Variants in BBS5 observed in about 807,000 individuals in gnomAD.
BBS5 encodes Bardet-Biedl syndrome 5.
Under a neutral mutation model 50.2 loss-of-function variants are expected in BBS5, and 39 were observed. That is an observed-to-expected ratio of 0.78 (90% CI 0.60 to 1.01). The LOEUF is 1.01. Among genes scored for constraint, BBS5 ranks in the 50% least tolerant of loss-of-function variants. The pLI is 0.00. For synonymous variants in BBS5, 134 were observed against 133.1 expected, an observed-to-expected ratio of 1.01 and a Z score of -0.05; for missense variants, 356 against 401.5, an observed-to-expected ratio of 0.89 and a Z score of 0.97.
At chr2:169,498,726 G>A (rs769832632) in intron 8 of BBS5, among the ~76,000 whole-genome samples, 66 of 149,884 alleles carry the variant, frequency 4.4e-4, no homozygotes, top group Non-Finnish European at 8.1e-4. Flanking sequence ...AGAATGGCGC[G>A]AACCCGGGAG....
chr2:169,501,044 T>G (rs1443541490), intron 9 of BBS5, among the ~76,000 whole-genome samples: 2 of 152,338 alleles, frequency 1.3e-5, no homozygotes, highest in Middle Eastern at 3.4e-3. Flanking sequence ...TGGAATTTCT[T>G]ATTTCAGATT....
At chr2:169,482,148 A>G in intron 1 of BBS5, 103 bp from the exon 2 acceptor site, 1 of 787,790 alleles carries the variant, frequency 1.3e-6, no homozygotes, top group Non-Finnish European at 2.3e-6. Context: ...AGTATTATTT[A>G]TGCTGTTAGC....
chr2:169,498,798 C>T (rs1397454595), intron 8 of BBS5, among the ~76,000 whole-genome samples: 1 of 139,152 alleles, frequency 7.2e-6, no homozygotes, highest in Non-Finnish European at 1.5e-5. Flanking sequence ...CAGAGCGAGA[C>T]TCTGTCTCAA....
intron 2 of BBS5, among the ~76,000 whole-genome samples, chr2:169,484,235 T>C (rs1683451403): frequency 6.6e-6 from 1 of 151,918 alleles, no homozygotes; most frequent in South Asian, 2.1e-4. Context: ...TAAAAAGAAT[T>C]AGCCATGTGT....
rs1280512367 is a variant in BBS5 at position 169,487,118 on chromosome 2, A to G, written c.192A>G (p.Leu64=). ...GAATTCTCTGGCACTCTTTGGCATT[A>G]TCAAGAGTCAATGTTTGTAAGTATC... ...NLRILWHSLA[L]SRVNVSVGYN... The change falls in exon 3 of 12, where the codon TTA becomes TTG. Residue 64 remains leucine (L), a synonymous_variant. Coordinates refer to ENST00000295240, the MANE Select transcript of BBS5 (RefSeq NM_152384.3). 1.2e-6 allele frequency: 2 copies of G among 1,610,552 alleles called. No individual in the cohort carries two copies. The highest frequency in any genetic ancestry group is 2.7e-5 in the African/African-American group (2 of 74,878).
chr2:169,496,672 A>T (rs903353766), intron 7 of BBS5, among the ~76,000 whole-genome samples: 3 of 151,852 alleles, frequency 2.0e-5, no homozygotes, highest in African/African-American at 7.3e-5. Flanking sequence ...GATCGAGACC[A>T]TCCCGGCTAA....
At chr2:169,498,161 A>C (rs1271822002) in intron 8 of BBS5, among the ~76,000 whole-genome samples, 1 of 152,218 alleles carries the variant, frequency 6.6e-6, no homozygotes, top group African/African-American at 2.4e-5. Context: ...TTGTGTACAC[A>C]CACACAGTTT....
chr2:169,493,176 T>C, intron 6 of BBS5, 167 bp downstream of exon 6: 1 of 766,410 alleles, frequency 1.3e-6, no homozygotes, highest in Non-Finnish European at 2.2e-6. Flanking sequence ...ATCCCTATTT[T>C]CTTTCAATAC....
In BBS5 at chr2:169,505,287, C is replaced by T. The variant is rs936364929; in HGVS notation, c.*705C>T. On this transcript the variant is annotated 3_prime_UTR_variant, in exon 12 of 12. Transcript: ENST00000295240. ...TGGTGCCCAGGCTGGAGTGCAGTGG[C>T]GTGATCTCCGCTCGCTACAACCTCC... is the stretch of plus-strand genomic sequence containing the variant. The T allele has an allele frequency of 2.5e-5, 10 of 396,582 alleles. No homozygotes were observed. Among genetic ancestry groups the T allele is most frequent in the Admixed American group, 1.8e-4 (5 of 27,764 alleles). 24.6% of individuals were successfully genotyped at this position (396,582 alleles called of 1,614,324 possible). A position where few individuals can be genotyped will look rare whatever the true frequency, so the allele number is the denominator to read the frequency against.
At chr2:169,499,362 T>C (rs1683755594) in intron 8 of BBS5, 124 bp from the exon 9 acceptor site, 1 of 1,050,296 alleles carries the variant, frequency 9.5e-7, no homozygotes. Flanking sequence ...AAAAGTTTAA[T>C]TGAAAAAATG....
At chr2:169,487,327 TAGA>T (rs1683503590) in intron 3 of BBS5, among the ~76,000 whole-genome samples, 193 bp downstream of exon 3, 1 of 152,296 alleles carries the variant, frequency 6.6e-6, no homozygotes, top group Admixed American at 6.5e-5. Context: ...CTTGGACATA[TAGA>T]AGATTAGGGC....
At chr2:169,484,710 A>G (rs1683460077) in intron 2 of BBS5, among the ~76,000 whole-genome samples, 1 of 152,254 alleles carries the variant, frequency 6.6e-6, no homozygotes, top group Admixed American at 6.5e-5. Flanking sequence ...AGTTATAGAG[A>G]TAAAATGCTG....
chr2:169,486,674 C>G (rs1488401014), intron 2 of BBS5, among the ~76,000 whole-genome samples: 1 of 152,102 alleles, frequency 6.6e-6, no homozygotes, highest in Non-Finnish European at 1.5e-5. Context: ...TGTGAGAGTT[C>G]TTTGAAAAGT....
In BBS5 at chr2:169,506,628, G is replaced by A. The variant is rs1009466721; in HGVS notation, c.*2046G>A. 6.6e-6 allele frequency: 1 copy of A among 151,940 alleles called. No individual in the cohort carries two copies. Among genetic ancestry groups the A allele is most frequent in the African/African-American group, 2.4e-5 (1 of 41,336 alleles). The allele number at this position is 151,940 out of a possible 1,614,324, so 9.4% of individuals were successfully genotyped here. On this transcript the variant is annotated 3_prime_UTR_variant, in exon 12 of 12. Transcript: ENST00000295240. ...GACATTAAGTGACTGTATCATGTTC[G>A]GTTTAATAAAGAATTTATGCAGCAC...
At chr2:169,485,723 C>T in intron 2 of BBS5, among the ~76,000 whole-genome samples, 1 of 152,170 alleles carries the variant, frequency 6.6e-6, no homozygotes, top group East Asian at 1.9e-4. Flanking sequence ...GGAAAGATGA[C>T]TTGTATAGAG....
Position 169,482,309 on chromosome 2 carries a change from A to C in BBS5, c.118A>C (p.Thr40Pro), listed in dbSNP as rs762981131. 2.5e-6 allele frequency: 4 copies of C among 1,603,428 alleles called. No individual in the cohort carries two copies. Among genetic ancestry groups the C allele is most frequent in the Non-Finnish European group, 3.4e-6 (4 of 1,170,348 alleles). ...TGATTGTTTAGATTCCATTGAAGAC[A>C]CCAAAGGAAATAATGGAGATAGAGG... ...LIDCLDSIED[T>P]KGNNGDRGRL... The change falls in exon 2 of 12, where the codon ACC becomes CCC. Residue 40 changes from threonine to proline, a missense_variant. By Grantham distance (38) the Thr-to-Pro change is conservative. Transcript: ENST00000295240.
In BBS5 at chr2:169,499,460, T is replaced by TTTTTTATTA. The variant is rs775253256; in HGVS notation, c.682-21_682-20insATTATTTTT. 48 of 1,607,606 alleles carry TTTTTTATTA rather than the reference T, an allele frequency of 3.0e-5. No homozygotes were observed. The South Asian group carries it at 5.2e-4, about 17-fold the overall frequency. ...TACTGTTCTTCAGACTTGTTGGGTT[T>TTTTTTATTA]TTTTTTATTATTTTTTCTCTTGTAG... On this transcript the variant is annotated intron_variant, in intron 8 of 11. Coordinates refer to ENST00000295240, the MANE Select transcript of BBS5 (RefSeq NM_152384.3).
At chr2:169,483,142 A>G (rs966345823) in intron 2 of BBS5, among the ~76,000 whole-genome samples, 1 of 152,190 alleles carries the variant, frequency 6.6e-6, no homozygotes. Flanking sequence ...TCAATAACTC[A>G]TAGAGAAGGA....
intron 3 of BBS5, among the ~76,000 whole-genome samples, chr2:169,487,579 C>G (rs973149088): frequency 1.3e-5 from 2 of 151,724 alleles, no homozygotes; most frequent in African/African-American, 4.8e-5. Flanking sequence ...TGAAGACTTC[C>G]TTTTTCCTGT....
Sources: gnomAD v4.1 joint callset for allele counts (sites outside exome capture counted in the v4.1 genomes callset) on GRCh38, gnomAD v4.1.1 for gene constraint, MANE v1.5 for transcripts, NCBI Gene and HGNC (gene_info 2026-07-23, HGNC 2026-07-21) for gene names.